Variants in UGGT2 observed in about 807,000 individuals in gnomAD.
UGGT2 encodes the protein UDP-glucose:glycoprotein glucosyltransferase 2.
In UGGT2, 180 loss-of-function variants were observed where a neutral mutation model predicts 192.1. That is an observed-to-expected ratio of 0.94 (90% CI 0.83 to 1.06). The LOEUF (loss-of-function observed/expected upper bound fraction) is 1.06, where lower values mean the gene tolerates loss of function less well. Among genes scored for constraint, UGGT2 ranks in the 50% least tolerant of loss-of-function variants. UGGT2 has a pLI of 0.00. For missense variants in UGGT2, 1,849 were observed against 1,795.7 expected (o/e 1.03, Z -0.54); for synonymous variants, 580 against 591.0 (o/e 0.98, Z 0.27).
chr13:95,888,102 T>C, intron 25 of UGGT2, 131 bp from the exon 26 acceptor site: 1 of 553,558 alleles, frequency 1.8e-6, no homozygotes. Flanking sequence ...TACAACGCCC[T>C]GCTGAAATAG....
intron 15 of UGGT2, among the ~76,000 whole-genome samples, chr13:95,943,968 A>G (rs2049779432): frequency 6.6e-6 from 1 of 152,044 alleles, no homozygotes; most frequent in Admixed American, 6.5e-5. Context: ...TGAGTTTTTT[A>G]ATCATAAAAA....
intron 2 of UGGT2, among the ~76,000 whole-genome samples, chr13:96,028,452 C>T (rs906415434): frequency 2.6e-5 from 4 of 152,186 alleles, no homozygotes; most frequent in African/African-American, 9.6e-5. Context: ...TAAAAATAAA[C>T]AGGCATTTGG....
intron 22 of UGGT2, among the ~76,000 whole-genome samples, chr13:95,896,362 C>T (rs1420145325): frequency 6.6e-6 from 1 of 152,026 alleles, no homozygotes; most frequent in Admixed American, 6.6e-5. Context: ...AAATATAAAA[C>T]ACGGGCTCTT....
At chr13:96,019,135 G>C (rs920016396) in intron 4 of UGGT2, among the ~76,000 whole-genome samples, 1 of 114,490 alleles carries the variant, frequency 8.7e-6, no homozygotes, top group Non-Finnish European at 1.8e-5. Context: ...GGGGGGGGGG[G>C]GGGAATGTTT....
intron 2 of UGGT2, among the ~76,000 whole-genome samples, chr13:96,026,219 A>G (rs1349183911): frequency 1.3e-5 from 2 of 152,202 alleles, no homozygotes; most frequent in African/African-American, 4.8e-5. Context: ...GTTAAAAATC[A>G]GAAGTTTCGA....
Position 95,853,503 on chromosome 13 carries a change from G to C in UGGT2, c.4284+40C>G, listed in dbSNP as rs759975217. On this transcript the variant is annotated intron_variant, in intron 36 of 38. Coordinates refer to ENST00000376747, the MANE Select transcript of UGGT2 (RefSeq NM_020121.4). ...TGAGCACGGAGTTGGAACAGTCTAT[G>C]TACACACACTCAAAATTATTCTGTT... 12 of 1,549,400 alleles carry C rather than the reference G, an allele frequency of 7.7e-6. No homozygotes were observed. The South Asian group carries it at 1.3e-4, about 17-fold the overall frequency.
chr13:95,912,407 A>G (rs1012839185), intron 20 of UGGT2, among the ~76,000 whole-genome samples: 3 of 152,226 alleles, frequency 2.0e-5, no homozygotes, highest in Admixed American at 6.5e-5. Flanking sequence ...TACAAAATCA[A>G]TGTGCAAAAA....
At chr13:95,870,847 T>C (rs1487924916) in intron 29 of UGGT2, among the ~76,000 whole-genome samples, 1 of 152,204 alleles carries the variant, frequency 6.6e-6, no homozygotes, top group African/African-American at 2.4e-5. Flanking sequence ...TTATAGGTGA[T>C]GAGGCTCCAC....
intron 32 of UGGT2, among the ~76,000 whole-genome samples, chr13:95,860,101 A>G (rs1353783115): frequency 1.3e-5 from 2 of 152,034 alleles, no homozygotes; most frequent in Non-Finnish European, 2.9e-5. Flanking sequence ...CTCCAAATGG[A>G]AAGGATACAA....
At chr13:96,028,508 A>G (rs1016560330) in intron 2 of UGGT2, among the ~76,000 whole-genome samples, 1 of 152,230 alleles carries the variant, frequency 6.6e-6, no homozygotes, top group Admixed American at 6.5e-5. Context: ...ACAAAACTAC[A>G]TAGGTTAACT....
At chr13:96,017,816 A>AT (rs1047999063) in intron 4 of UGGT2, among the ~76,000 whole-genome samples, 34 of 152,108 alleles carry the variant, frequency 2.2e-4, no homozygotes, top group African/African-American at 8.2e-4. Flanking sequence ...ACCATATGGG[A>AT]TTTTTTTAAC....
At chr13:95,880,940 C>T (rs1355114986) in intron 27 of UGGT2, among the ~76,000 whole-genome samples, 2 of 152,086 alleles carry the variant, frequency 1.3e-5, no homozygotes, top group East Asian at 3.9e-4. Context: ...TTTGGGAGGC[C>T]GAGGTGGGTG....
intron 38 of UGGT2, among the ~76,000 whole-genome samples, chr13:95,808,196 G>C (rs1173719433): frequency 1.3e-5 from 2 of 152,094 alleles, no homozygotes; most frequent in Non-Finnish European, 2.9e-5. Flanking sequence ...GCAGAGAAAG[G>C]GTTCTTGTTG....
At chr13:96,046,088 C>T (rs1447016797) in intron 1 of UGGT2, among the ~76,000 whole-genome samples, 5 of 152,118 alleles carry the variant, frequency 3.3e-5, no homozygotes, top group Admixed American at 3.3e-4. Context: ...TTAAACTATA[C>T]TATAAAACCA....
intron 20 of UGGT2, among the ~76,000 whole-genome samples, chr13:95,919,834 C>T (rs186499146): frequency 6.9e-4 from 105 of 152,256 alleles, no homozygotes; most frequent in African/African-American, 2.4e-3. Flanking sequence ...TGACATTCTT[C>T]ACATATTTAG....
chr13:95,832,935 T>C lies in UGGT2; in HGVS notation c.4520A>G (p.Gln1507Arg), dbSNP rs1886883894. ...QLLDHLENKK[Q>R]DTILTHDEL ...ACACGTTGATGACTTACTTGTATCTTGCTTCTTGTTTTCAAGATGATCTAA... is the reference window on the plus strand; with the variant it reads ...ACACGTTGATGACTTACTTGTATCTCGCTTCTTGTTTTCAAGATGATCTAA... The change falls in exon 38 of 39, where the codon CAA becomes CGA. Residue 1507 changes from glutamine to arginine, a missense_variant. Physicochemically the swap from Gln to Arg is conservative, Grantham distance 43 (BLOSUM62 1). Coordinates refer to ENST00000376747, the MANE Select transcript of UGGT2 (RefSeq NM_020121.4). The C allele has an allele frequency of 6.2e-7, 1 of 1,612,270 alleles. No homozygotes were observed.
chr13:96,029,857 T>G lies in UGGT2; in HGVS notation c.241+2032A>C, dbSNP rs541443588. Among the ~76,000 whole-genome samples, 16 of 152,294 alleles carry G rather than the reference T, an allele frequency of 1.1e-4. No individual in the cohort carries two copies. The South Asian group carries it at 3.1e-3, about 30-fold the overall frequency. ...TAGCACTGAATAAGGCCAAAAAGCA[T>G]GTACTGAGAACAACATATATGGGAC... On this transcript the variant is annotated intron_variant, in intron 2 of 38. Transcript: ENST00000376747.
At chr13:95,914,394 T>G (rs1020071844) in intron 20 of UGGT2, among the ~76,000 whole-genome samples, 2 of 152,180 alleles carry the variant, frequency 1.3e-5, no homozygotes, top group South Asian at 2.1e-4. Context: ...AATTAAAGAT[T>G]TGTCAATTTC....
intron 15 of UGGT2, among the ~76,000 whole-genome samples, chr13:95,941,390 C>G (rs1373152251): frequency 6.6e-6 from 1 of 152,164 alleles, no homozygotes; most frequent in Non-Finnish European, 1.5e-5. Context: ...AGCAGCAGCA[C>G]AGGTATGTAA....
Sources: allele counts gnomAD v4.1 joint callset (sites outside exome capture counted in the v4.1 genomes callset), GRCh38; gene constraint gnomAD v4.1.1; transcripts MANE v1.5; gene names NCBI Gene and HGNC (gene_info 2026-07-23, HGNC 2026-07-21).